ABR: variants seen among roughly 807,000 people sequenced by gnomAD.
ABR encodes the protein ABR activator of RhoGEF and GTPase, also known as active breakpoint cluster region-related protein.
A neutral mutation model predicts 107.2 loss-of-function variants in ABR; 35 were observed. The observed-to-expected ratio is 0.33, with a 90% CI of 0.25 to 0.43. The LOEUF is 0.43. ABR is among the 20% of genes least tolerant of loss of function. ABR has a pLI of 1.00. For missense variants in ABR, 815 were observed against 1,115.2 expected, an observed-to-expected ratio of 0.73 and a Z score of 3.83; for synonymous variants, 498 against 462.0, an observed-to-expected ratio of 1.08 and a Z score of -1.00.
chr17:1,125,616 G>A lies in ABR; in HGVS notation c.62-249C>T, dbSNP rs759156248. ...AGGAGCGGCTCTGCTGTTGCTACCC[G>A]ATGAAGAGCATGTCAGCCGCGTATT... On this transcript the variant is annotated intron_variant, in intron 1 of 22. Transcript: ENST00000302538. 6.0e-5 allele frequency: 22 copies of A among 365,092 alleles called. No homozygotes were observed. In the South Asian group the frequency reaches 6.6e-4, roughly 11 times the overall value. The allele number at this position is 365,092 out of a possible 1,614,324, so 22.6% of individuals were successfully genotyped here. A position where few individuals can be genotyped will look rare whatever the true frequency, so the allele number is the denominator to read the frequency against.
At chr17:1,031,993 G>C (rs2072845656) in intron 16 of ABR, among the ~76,000 whole-genome samples, 1 of 150,928 alleles carries the variant, frequency 6.6e-6, no homozygotes, top group Non-Finnish European at 1.5e-5. Context: ...CAGGCCCAGG[G>C]CCGCCCCTCC....
In ABR at chr17:1,092,260, A is replaced by T. The variant is rs2037081256; in HGVS notation, c.346-410T>A. On this transcript the variant is annotated intron_variant, in intron 3 of 22. Transcript: ENST00000302538. The surrounding 1 kb of genome is among the most constrained non-coding windows in gnomAD (Gnocchi z 4.6). ...CTCAAGCCTATAGCTGTTTCCTTCC[A>T]AGAAACAGAATGTGGTTCTAGGACT... Among the ~76,000 whole-genome samples, 1 of 152,198 alleles carries T rather than the reference A, an allele frequency of 6.6e-6. No homozygotes were observed. Among genetic ancestry groups the T allele is most frequent in the Non-Finnish European group, 1.5e-5 (1 of 68,038 alleles).
chr17:1,223,322 CACACAG>C (rs1459194059), intron 1 of ABR, among the ~76,000 whole-genome samples: 4 of 152,022 alleles, frequency 2.6e-5, no homozygotes, highest in African/African-American at 9.7e-5. Flanking sequence ...CACACACACA[CACACAG>C]AGACACGAAT....
At chr17:1,108,686 C>T (rs1900098818) in intron 2 of ABR, among the ~76,000 whole-genome samples, 1 of 152,226 alleles carries the variant, frequency 6.6e-6, no homozygotes, top group Non-Finnish European at 1.5e-5. Flanking sequence ...CGCCAGGTGA[C>T]TCCTGGCACA....
At chr17:1,151,777 C>T (rs931443138) in intron 1 of ABR, among the ~76,000 whole-genome samples, 3 of 152,214 alleles carry the variant, frequency 2.0e-5, no homozygotes, top group Non-Finnish European at 1.5e-5. Flanking sequence ...ATCACTGCCT[C>T]CTCCCCAAGT....
chr17:1,034,462 T>A (rs929443052), intron 16 of ABR, among the ~76,000 whole-genome samples: 1 of 152,126 alleles, frequency 6.6e-6, no homozygotes, highest in Non-Finnish European at 1.5e-5. Flanking sequence ...CACGCCCAGA[T>A]GGACAAAACC....
At chr17:1,167,164 GGA>G (rs71372582) in intron 1 of ABR, among the ~76,000 whole-genome samples, 1 of 151,616 alleles carries the variant, frequency 6.6e-6, no homozygotes, top group African/African-American at 2.4e-5. Flanking sequence ...CTGGCTGGGC[GGA>G]GAGAGAGGCC....
chr17:1,010,607 T>C lies in ABR; in HGVS notation c.2236+122A>G. 7.3e-7 allele frequency: 1 copy of C among 1,379,194 alleles called. No homozygotes were observed. The highest frequency in any genetic ancestry group is 1.3e-5 in the South Asian group (1 of 74,880). The allele number at this position is 1,379,194 out of a possible 1,614,324, so 85.4% of individuals were successfully genotyped here. On this transcript the variant is annotated intron_variant, in intron 20 of 22. Coordinates refer to ENST00000302538, the MANE Select transcript of ABR (RefSeq NM_021962.5). This position sits in a 1 kb window ranked among gnomAD's most constrained non-coding sequence, Gnocchi z 4.1. ...CGGACCCCTCAGCCACAGGCCCCAG[T>C]GCACTGGGAAGGTCAGCCAGCAAAG...
intron 2 of ABR, among the ~76,000 whole-genome samples, chr17:1,113,720 A>G (rs1405985504): frequency 6.6e-6 from 1 of 152,140 alleles, no homozygotes; most frequent in Non-Finnish European, 1.5e-5. Flanking sequence ...TGGCACTTCT[A>G]TTTTAACTTC....
At chr17:1,013,243 C>A (rs1189822598) in intron 16 of ABR, 79 bp from the exon 17 acceptor site, 5 of 1,349,994 alleles carry the variant, frequency 3.7e-6, no homozygotes, top group Non-Finnish European at 5.3e-6. Flanking sequence ...CAGCACTGCT[C>A]AGAGCCAGCT....
chr17:1,058,033 G>A lies in ABR; in HGVS notation c.1318C>T (p.Leu440=). Reference sequence around the variant, plus strand: ...GACCTCTCGTAGTCCGAGGACAGTAGGAACAGGTAACTCTGAAGAGAGGAG... The same window carrying A: ...GACCTCTCGTAGTCCGAGGACAGTAAGAACAGGTAACTCTGAAGAGAGGAG... ...HNRNGKSYLF[L]LSSDYERSEW... Residue 440 remains leucine, a synonymous_variant, in exon 12 of 23, where the codon CTA becomes TTA. Coordinates refer to ENST00000302538, the MANE Select transcript of ABR (RefSeq NM_021962.5). 6.2e-7 allele frequency: 1 copy of A among 1,611,894 alleles called. No individual in the cohort carries two copies. Among genetic ancestry groups the A allele is most frequent in the Non-Finnish European group, 8.5e-7 (1 of 1,178,616 alleles).
upstream of ABR, among the ~76,000 whole-genome samples, chr17:1,190,678 G>A (rs937289906): frequency 3.3e-5 from 5 of 152,060 alleles, no homozygotes; most frequent in African/African-American, 1.2e-4. Context: ...TTCGGGGAGG[G>A]AGGTAAACAG....
intron 1 of ABR, among the ~76,000 whole-genome samples, chr17:1,174,148 C>T (rs2041844354): frequency 6.6e-6 from 1 of 152,200 alleles, no homozygotes; most frequent in African/African-American, 2.4e-5. Flanking sequence ...CAATTCCCCA[C>T]AAATTTCCTT....
intron 1 of ABR, among the ~76,000 whole-genome samples, chr17:1,135,749 G>A (rs1458957581): frequency 6.6e-6 from 1 of 152,160 alleles, no homozygotes; most frequent in Non-Finnish European, 1.5e-5. Context: ...GGTGGCAGGT[G>A]CCTGTAATCC....
intron 1 of ABR, among the ~76,000 whole-genome samples, chr17:1,139,359 C>T (rs975363129): frequency 2.0e-5 from 3 of 152,220 alleles, no homozygotes; most frequent in East Asian, 1.9e-4. Flanking sequence ...TCAAGCCATT[C>T]TCCTGCCTCA....
rs189072419 is a variant in ABR at position 1,083,181 on chromosome 17, C to T, written c.639+339G>A. The T allele has an allele frequency of 2.4e-3, 384 of 160,386 alleles. 4 individuals carry two copies. The highest frequency in any genetic ancestry group is 2.2e-3 in the Non-Finnish European group (167 of 75,296). The allele number at this position is 160,386 out of a possible 1,614,324, so 9.9% of individuals were successfully genotyped here. A position where few individuals can be genotyped will look rare whatever the true frequency, so the allele number is the denominator to read the frequency against. On this transcript the variant is annotated intron_variant, in intron 5 of 22. Coordinates refer to ENST00000302538, the MANE Select transcript of ABR (RefSeq NM_021962.5). ...GCCATTTCTAAACCCCTCATTCTAC[C>T]GGACAGGACATAAAAGCCAAGAGGG...
At chr17:1,165,092 C>A (rs968196621) in intron 1 of ABR, among the ~76,000 whole-genome samples, 1 of 152,218 alleles carries the variant, frequency 6.6e-6, no homozygotes, top group Non-Finnish European at 1.5e-5. Flanking sequence ...ACACAGCTCA[C>A]TAGAGCATAA....
At chr17:1,045,240 C>T (rs1161131371) in intron 16 of ABR, among the ~76,000 whole-genome samples, 2 of 152,254 alleles carry the variant, frequency 1.3e-5, no homozygotes, top group East Asian at 1.9e-4. Context: ...TTCCAAATCG[C>T]TCTCGTTCCA....
Position 1,125,038 on chromosome 17 carries a change from G to A in ABR, c.246+145C>T, listed in dbSNP as rs745414946. On this transcript the variant is annotated intron_variant, in intron 2 of 22. Transcript: ENST00000302538. ...CCTGAGAGGGGTCCAGGGCCAGGAC[G>A]AGATGACGAGGCACCAAGAACGGCC... 27 of 782,492 alleles carry A rather than the reference G, an allele frequency of 3.5e-5. No individual in the cohort carries two copies. The Middle Eastern group carries it at 1.5e-3, about 43-fold the overall frequency. 48.5% of individuals were successfully genotyped at this position (782,492 alleles called of 1,614,324 possible). A position where few individuals can be genotyped will look rare whatever the true frequency, so the allele number is the denominator to read the frequency against.
Sources: gnomAD v4.1 joint callset for allele counts (sites outside exome capture counted in the v4.1 genomes callset) on GRCh38, gnomAD v4.1.1 for gene constraint, Gnocchi (gnomAD v3.1) non-coding constraint, MANE v1.5 for transcripts, NCBI Gene and HGNC (gene_info 2026-07-23, HGNC 2026-07-21) for gene names.